The following IGSF8 variants were observed in gnomAD, a reference collection of about 807,000 sequenced individuals.
IGSF8 encodes the protein immunoglobulin superfamily member 8, also known as CD81 partner 3.
IGSF8 carries 46 observed loss-of-function variants against 55.5 expected under a neutral mutation model. That is an observed-to-expected ratio of 0.83 (90% confidence interval 0.65 to 1.06). The LOEUF is 1.06. Among genes scored for constraint, IGSF8 ranks in the 50% least tolerant of loss-of-function variants. IGSF8 has a pLI of 0.00. For missense variants in IGSF8, 731 were observed against 832.3 expected (o/e 0.88, Z 1.50); for synonymous variants, 314 against 356.1 (o/e 0.88, Z 1.33).
At chr1:160,091,731 G>A in intron 6 of IGSF8, 77 bp downstream of exon 6, 1 of 916,502 alleles carries the variant, frequency 1.1e-6, no homozygotes, top group Non-Finnish European at 1.8e-6. Flanking sequence ...GGTGGGGCCT[G>A]GGAGGGAGCA....
Position 160,091,432 on chromosome 1 carries a change from C to T in IGSF8, c.*192G>A, listed in dbSNP as rs1649942291. The T allele has an allele frequency of 2.7e-5, 6 of 225,832 alleles. No individual in the cohort carries two copies. In the South Asian group the frequency reaches 4.5e-4, roughly 17 times the overall value. The allele number at this position is 225,832 out of a possible 1,614,324, so 14.0% of individuals were successfully genotyped here. A position where few individuals can be genotyped will look rare whatever the true frequency, so the allele number is the denominator to read the frequency against. On this transcript the variant is annotated 3_prime_UTR_variant, in exon 7 of 7. Coordinates refer to ENST00000314485, the MANE Select transcript of IGSF8 (RefSeq NM_052868.6). ...TATAGGATCCCTAAGAGATCAAGAA[C>T]AGAAGGCCAGAGGGAGGGGCTTGGG...
intron 1 of IGSF8, among the ~76,000 whole-genome samples, chr1:160,096,324 T>C (rs904880649): frequency 2.0e-5 from 3 of 152,114 alleles, no homozygotes; most frequent in Non-Finnish European, 4.4e-5. Flanking sequence ...AAAAGTATAA[T>C]ATGTTAGCCA....
chr1:160,097,912 A>C, intron 1 of IGSF8: 2 of 985,454 alleles, frequency 2.0e-6, no homozygotes, highest in Non-Finnish European at 2.4e-6. Flanking sequence ...AACTGCCCCC[A>C]GTTGATGAAG....
At chr1:160,095,793 T>G (rs1650389892) in intron 1 of IGSF8, among the ~76,000 whole-genome samples, 1 of 152,234 alleles carries the variant, frequency 6.6e-6, no homozygotes, top group African/African-American at 2.4e-5. Context: ...CAGTCAGTTC[T>G]CACCACACAA....
rs1335491812 is a variant in IGSF8, at chr1:160,095,208, C to A, written c.103G>T (p.Gly35Trp). The change falls in exon 2 of 7, where the codon GGG (glycine) becomes TGG (tryptophan). Residue 35 changes from glycine to tryptophan, a missense_variant. Coordinates refer to ENST00000314485, the MANE Select transcript of IGSF8 (RefSeq NM_052868.6). ...GTGCCAGCCACGCGGTACAAGGGCC[C>A]CTCGGGGACCAGCACCTCCCGGGCC... ...CWAREVLVPEGPLYRVAGTAV... is the reference protein window; with the variant it reads ...CWAREVLVPEWPLYRVAGTAV... The A allele has an allele frequency of 1.2e-6, 2 of 1,607,134 alleles. No homozygotes were observed. Among genetic ancestry groups the A allele is most frequent in the South Asian group, 1.1e-5 (1 of 91,084 alleles).
At chr1:160,098,848 G>A (rs1434969019), upstream of IGSF8, 2 of 83,254 alleles carry the variant, frequency 2.4e-5, 1 homozygote, top group African/African-American at 1.4e-4. Flanking sequence ...GAGTCGCATC[G>A]AGTCCCAGCC....
intron 5 of IGSF8, 70 bp downstream of exon 5, chr1:160,092,212 G>A (rs1164761005): frequency 6.9e-7 from 1 of 1,457,074 alleles, no homozygotes; most frequent in African/African-American, 1.4e-5. Context: ...GTCAGAAGAT[G>A]GGAAGGGAAG....
At chr1:160,098,334 C>A in intron 1 of IGSF8, 75 bp downstream of exon 1, 1 of 1,517,840 alleles carries the variant, frequency 6.6e-7, no homozygotes, top group South Asian at 1.2e-5. Context: ...TGAGGAGCCC[C>A]GAAATGCTAG....
In IGSF8 at chr1:160,096,999, T is replaced by A. The variant is rs567541493; in HGVS notation, c.64+1410A>T. Among the ~76,000 whole-genome samples, 10 of 152,204 alleles carry A rather than the reference T, an allele frequency of 6.6e-5. No individual in the cohort carries two copies. The East Asian group carries it at 1.9e-3, about 29-fold the overall frequency. On this transcript the variant is annotated intron_variant, in intron 1 of 6. Coordinates refer to ENST00000314485, the MANE Select transcript of IGSF8 (RefSeq NM_052868.6). ...ACCTCCACAGCCTTAGGAAATCAGT[T>A]GCCACACAGCTCTCTCTCCCCTCCT...
At position 160,094,850 on chromosome 1, in the gene IGSF8, C is replaced by A; in HGVS notation, c.442+19G>T. 1 of 1,597,106 alleles carries A rather than the reference C, an allele frequency of 6.3e-7. No individual in the cohort carries two copies. On this transcript the variant is annotated intron_variant, in intron 2 of 6. Transcript: ENST00000314485. This position sits in a 1 kb window ranked among gnomAD's most constrained non-coding sequence, Gnocchi z 4.0. ...CCTTGAGAGGGTGTGTGGCTCCACC[C>A]CGTCCCAGGGCCCAGTACCTCTCAG... is the stretch of plus-strand genomic sequence containing the variant.
rs1557986257 is a variant in IGSF8 at position 160,092,945 on chromosome 1, G to A, written c.1291C>T (p.Pro431Ser). ...TCACCTTCCTCCCGCACATGTACAGGGAGAGGCCGGGAACGGGCACTGGCT... is the reference window on the plus strand; with the variant it reads ...TCACCTTCCTCCCGCACATGTACAGAGAGAGGCCGGGAACGGGCACTGGCT... ...EAASARSRPLPVHVREEGVVL... is the reference protein window; with the variant it reads ...EAASARSRPLSVHVREEGVVL... Residue 431 changes from proline to serine, a missense_variant, in exon 4 of 7, where the codon CCT becomes TCT. Physicochemically the swap from Pro to Ser is moderately conservative, Grantham distance 74. Coordinates refer to ENST00000314485, the MANE Select transcript of IGSF8 (RefSeq NM_052868.6). 3 of 1,605,546 alleles carry A rather than the reference G, an allele frequency of 1.9e-6. No homozygotes were observed. Among genetic ancestry groups the A allele is most frequent in the South Asian group, 2.2e-5 (2 of 90,748 alleles).
At position 160,098,589 on chromosome 1, in the gene IGSF8, C is replaced by A. The variant is rs1650620436; in HGVS notation, c.-117G>T. ...GAAGCGGGGCAGCGAGGCGTGGGTG[C>A]GCCGAGCGAGCTGAACTGGAGCTGC... On this transcript the variant is annotated 5_prime_UTR_variant, in exon 1 of 7. Coordinates refer to ENST00000314485, the MANE Select transcript of IGSF8 (RefSeq NM_052868.6). 4.5e-6 allele frequency: 3 copies of A among 672,524 alleles called. No homozygotes were observed. Among genetic ancestry groups the A allele is most frequent in the Non-Finnish European group, 7.3e-6 (3 of 409,508 alleles). 41.7% of individuals were successfully genotyped at this position (672,524 alleles called of 1,614,324 possible).
intron 4 of IGSF8, 102 bp downstream of exon 4, chr1:160,092,822 C>T: frequency 1.3e-6 from 2 of 1,487,170 alleles, no homozygotes; most frequent in African/African-American, 2.8e-5. Flanking sequence ...GAGCGTGAGG[C>T]TGTGGCCTGC....
Position 160,093,339 on chromosome 1 carries a change from A to T in IGSF8, c.905-8T>A, listed in dbSNP as rs1369816735. 6.3e-7 allele frequency: 1 copy of T among 1,575,772 alleles called. No individual in the cohort carries two copies. On this transcript the variant is annotated splice_polypyrimidine_tract_variant and splice_region_variant and intron_variant, in intron 3 of 6. Transcript: ENST00000314485. ...TCACTGCCAGCTGGCTGGCTGAAAC[A>T]CAGGTAGGGGAAGAGGTGTCATGGA...
At position 160,094,003 on chromosome 1, in the gene IGSF8, C is replaced by A. The variant is rs769795373; in HGVS notation, c.611G>T (p.Arg204Leu). The change falls in exon 3 of 7, where the codon CGA becomes CTA. Residue 204 changes from arginine (R) to leucine (L), a missense_variant. Coordinates refer to ENST00000314485, the MANE Select transcript of IGSF8 (RefSeq NM_052868.6). This position sits in a 1 kb window ranked among gnomAD's most constrained non-coding sequence, Gnocchi z 4.0. ...CCCAACTGGTGCCTCGGGCACAGATCGCCCAAAGGACACTGCCAGGTGTGT... is the reference window on the plus strand; with the variant it reads ...CCCAACTGGTGCCTCGGGCACAGATAGCCCAAAGGACACTGCCAGGTGTGT... Reference protein sequence around the residue: ...KHTHLAVSFGRSVPEAPVGRS... With the variant: ...KHTHLAVSFGLSVPEAPVGRS... The A allele has an allele frequency of 1.2e-6, 2 of 1,614,242 alleles. No individual in the cohort carries two copies. The highest frequency in any genetic ancestry group is 1.7e-6 in the Non-Finnish European group (2 of 1,180,052).
intron 6 of IGSF8, 59 bp from the exon 7 acceptor site, chr1:160,091,667 G>T: frequency 1.6e-6 from 1 of 638,580 alleles, no homozygotes; most frequent in Non-Finnish European, 2.9e-6. Flanking sequence ...GCTCCCTCGC[G>T]GCCTCCACCC....
intron 1 of IGSF8, chr1:160,097,605 C>T (rs1650520010): frequency 1.2e-6 from 1 of 814,140 alleles, no homozygotes; most frequent in Middle Eastern, 6.3e-4. Context: ...TTCCCCAGAC[C>T]ACCTCCTACA....
chr1:160,095,356 G>A, intron 1 of IGSF8, 110 bp from the exon 2 acceptor site: 1 of 1,152,396 alleles, frequency 8.7e-7, no homozygotes, highest in Non-Finnish European at 1.2e-6. Context: ...GGAGACCTGG[G>A]AAAGCTTGTC....
chr1:160,098,691 C>T (rs1185014722), upstream of IGSF8: 143 of 513,116 alleles, frequency 2.8e-4, no homozygotes, highest in Admixed American at 6.9e-4. Context: ...CGCCCCGGCC[C>T]GCCCCGGCAC....
Sources: gnomAD v4.1 joint callset for allele counts (sites outside exome capture counted in the v4.1 genomes callset) on GRCh38, gnomAD v4.1.1 for gene constraint, Gnocchi (gnomAD v3.1) non-coding constraint, MANE v1.5 for transcripts, NCBI Gene and HGNC (gene_info 2026-07-23, HGNC 2026-07-21) for gene names.